Variants in GRIN2A observed in about 807,000 individuals in gnomAD.
GRIN2A encodes glutamate receptor ionotropic, NMDA 2A.
In GRIN2A, 22 loss-of-function variants were observed where a neutral mutation model predicts 113.4. The observed-to-expected ratio is 0.19, with a 90% CI of 0.14 to 0.28. GRIN2A has a LOEUF of 0.28. GRIN2A is among the 10% of genes least tolerant of loss of function. The pLI is 1.00. For synonymous variants in GRIN2A, 827 were observed against 738.4 expected, an observed-to-expected ratio of 1.12 and a Z score of -1.94; for missense variants, 1,502 against 1,887.0, an observed-to-expected ratio of 0.80 and a Z score of 3.78.
rs373952509 is a variant in GRIN2A at position 10,039,808 on chromosome 16, G to GAGAGAGAGAGAGAGA, written c.415-101258_415-101257insTCTCTCTCTCTCTCT. On this transcript the variant is annotated intron_variant, in intron 2 of 12. Coordinates refer to ENST00000330684, the MANE Select transcript of GRIN2A (RefSeq NM_001134407.3). ...AGGGGGAGGGGGAGGGGGAGGGGGG[G>GAGAGAGAGAGAGAGA]GAGAAAGAGAGAGAGAGAGAGAGAG... Among the ~76,000 whole-genome samples, 211 of 63,808 alleles carry GAGAGAGAGAGAGAGA rather than the reference G, an allele frequency of 3.3e-3. 8 individuals carry two copies. Among genetic ancestry groups the GAGAGAGAGAGAGAGA allele is most frequent in the African/African-American group, 0.013 (170 of 12,790 alleles). 41.9% of individuals were successfully genotyped at this position (63,808 alleles called of 152,430 possible).
intron 2 of GRIN2A, among the ~76,000 whole-genome samples, chr16:10,137,158 G>T (rs986450756): frequency 6.6e-6 from 1 of 152,180 alleles, no homozygotes; most frequent in Admixed American, 6.5e-5. Context: ...AGACAGAGTC[G>T]GAGGGGTTCA....
intron 2 of GRIN2A, among the ~76,000 whole-genome samples, chr16:10,067,298 T>A (rs908327567): frequency 6.6e-6 from 1 of 152,168 alleles, no homozygotes; most frequent in Non-Finnish European, 1.5e-5. Flanking sequence ...TCACACTCCA[T>A]CTCTGAATGA....
intron 2 of GRIN2A, among the ~76,000 whole-genome samples, chr16:10,021,061 A>T (rs1025342457): frequency 6.6e-6 from 1 of 151,910 alleles, no homozygotes; most frequent in Non-Finnish European, 1.5e-5. Context: ...ATTGGCTGCA[A>T]TTCAGCAGAA....
chr16:10,141,805 A>C (rs1485510866), intron 2 of GRIN2A, among the ~76,000 whole-genome samples: 1 of 152,242 alleles, frequency 6.6e-6, no homozygotes, highest in Non-Finnish European at 1.5e-5. Flanking sequence ...ACATTTTACA[A>C]ATGAGATACC....
intron 2 of GRIN2A, among the ~76,000 whole-genome samples, chr16:9,952,419 C>T (rs539091360): frequency 2.6e-4 from 39 of 151,972 alleles, no homozygotes; most frequent in African/African-American, 8.7e-4. Flanking sequence ...AACATGGCAC[C>T]CACTGGGAAT....
chr16:10,061,571 T>C (rs577334304), intron 2 of GRIN2A, among the ~76,000 whole-genome samples: 1 of 152,306 alleles, frequency 6.6e-6, no homozygotes, highest in East Asian at 1.9e-4. Context: ...TTCTCCCTTG[T>C]TGCTTCTGAA....
At chr16:10,147,636 CAAAAA>C (rs35925963) in intron 2 of GRIN2A, among the ~76,000 whole-genome samples, 2 of 118,594 alleles carry the variant, frequency 1.7e-5, no homozygotes, top group Non-Finnish European at 1.7e-5. Flanking sequence ...GGCCCTGTCT[CAAAAA>C]AAAAAAAAAA....
chr16:10,053,709 A>C (rs2047397903), intron 2 of GRIN2A, among the ~76,000 whole-genome samples: 1 of 152,234 alleles, frequency 6.6e-6, no homozygotes, highest in Non-Finnish European at 1.5e-5. Flanking sequence ...TGTCAGGGTC[A>C]CTCATGAAAT....
In GRIN2A at chr16:9,755,314, A is replaced by C. The variant is rs915735688; in HGVS notation, c.*7835T>G. On this transcript the variant is annotated 3_prime_UTR_variant, in exon 13 of 13. Coordinates refer to ENST00000330684, the MANE Select transcript of GRIN2A (RefSeq NM_001134407.3). ...CCAGAGAAGAAATGCTATTGGTCAA[A>C]TCGTTCTTTGGAGTGCTCCATTTCT... 5.4e-6 allele frequency: 1 copy of C among 186,690 alleles called. No homozygotes were observed. Among genetic ancestry groups the C allele is most frequent in the African/African-American group, 2.3e-5 (1 of 42,740 alleles). The allele number at this position is 186,690 out of a possible 1,614,324, so 11.6% of individuals were successfully genotyped here.
chr16:9,958,335 A>T (rs2045352277), intron 2 of GRIN2A, among the ~76,000 whole-genome samples: 3 of 152,072 alleles, frequency 2.0e-5, no homozygotes, highest in Non-Finnish European at 4.4e-5. Context: ...GATGTGGGCA[A>T]TGTTGGTCTT....
intron 8 of GRIN2A, among the ~76,000 whole-genome samples, chr16:9,832,348 G>C (rs1373971640): frequency 6.6e-6 from 1 of 151,992 alleles, no homozygotes; most frequent in East Asian, 1.9e-4. Flanking sequence ...GTTTTTGACA[G>C]ATAAAATTGT....
At position 10,164,242 on chromosome 16, in the gene GRIN2A, C is replaced by T. The variant is rs2049861910; in HGVS notation, c.414+15756G>A. 2.0e-5 allele frequency among the ~76,000 whole-genome samples: 3 copies of T among 152,206 alleles called. No individual in the cohort carries two copies. The South Asian group carries it at 6.2e-4, about 32-fold the overall frequency. On this transcript the variant is annotated intron_variant, in intron 2 of 12. Transcript: ENST00000330684. Reference sequence around the variant, plus strand: ...GTGAGTCTCACTGGCAAGTCGAGGCCGTGGCCACTGACTCTGTACAGAACC... The same window carrying T: ...GTGAGTCTCACTGGCAAGTCGAGGCTGTGGCCACTGACTCTGTACAGAACC...
intron 3 of GRIN2A, among the ~76,000 whole-genome samples, chr16:9,901,316 T>G (rs75740843): frequency 0.029 from 4,476 of 152,222 alleles, 222 homozygotes; most frequent in African/African-American, 0.1. Flanking sequence ...TTTCTGTGAA[T>G]TACAACTAGA....
intron 5 of GRIN2A, among the ~76,000 whole-genome samples, chr16:9,842,710 G>C (rs1019528028): frequency 2.6e-5 from 4 of 152,186 alleles, no homozygotes; most frequent in Non-Finnish European, 5.9e-5. Flanking sequence ...GCCAAGTTGG[G>C]TGGATCCCCT....
intron 10 of GRIN2A, among the ~76,000 whole-genome samples, chr16:9,812,848 A>C (rs896348337): frequency 6.6e-6 from 1 of 152,214 alleles, no homozygotes; most frequent in Non-Finnish European, 1.5e-5. Context: ...GCTCAGTCTT[A>C]GGGAAAGTCA....
At chr16:9,856,107 A>G (rs746095793) in intron 4 of GRIN2A, among the ~76,000 whole-genome samples, 1 of 152,178 alleles carries the variant, frequency 6.6e-6, no homozygotes, top group Non-Finnish European at 1.5e-5. Flanking sequence ...ATATGACTCA[A>G]TCCTCAAGGC....
In GRIN2A at chr16:9,967,490, G is replaced by C. The variant is rs1006403316; in HGVS notation, c.415-28939C>G. 1.7e-4 allele frequency among the ~76,000 whole-genome samples: 26 copies of C among 152,200 alleles called. 1 individual carries two copies. The highest frequency in any genetic ancestry group is 4.6e-4 in the African/African-American group (19 of 41,454). On this transcript the variant is annotated intron_variant, in intron 2 of 12. Coordinates refer to ENST00000330684, the MANE Select transcript of GRIN2A (RefSeq NM_001134407.3). ...GGAGGCCAAGGCGGGTGGATCACTT[G>C]AGGTCAGGAGTTTGAGACCAGCCTG...
At chr16:9,927,161 T>C (rs748484261) in intron 3 of GRIN2A, among the ~76,000 whole-genome samples, 4 of 152,244 alleles carry the variant, frequency 2.6e-5, no homozygotes, top group Non-Finnish European at 5.9e-5. Context: ...TTTCTCATTG[T>C]TAACAGAACT....
intron 3 of GRIN2A, among the ~76,000 whole-genome samples, chr16:9,932,735 G>A (rs1044273809): frequency 1.3e-5 from 2 of 152,088 alleles, no homozygotes; most frequent in African/African-American, 4.8e-5. Context: ...TTTACAGACT[G>A]CTTTTCCATA....
Sources: gnomAD v4.1 joint callset for allele counts (sites outside exome capture counted in the v4.1 genomes callset) on GRCh38, gnomAD v4.1.1 for gene constraint, MANE v1.5 for transcripts, NCBI Gene and HGNC (gene_info 2026-07-23, HGNC 2026-07-21) for gene names.